TTC28: variants seen among roughly 807,000 people sequenced by gnomAD.
TTC28 encodes the protein tetratricopeptide repeat protein 28.
In TTC28, 61 loss-of-function variants were observed where a neutral mutation model predicts 198.0. The observed-to-expected ratio is 0.31, with a 90% CI of 0.25 to 0.38. TTC28 has a LOEUF of 0.38. TTC28 is among the 10% of genes least tolerant of loss of function. The pLI is 1.00. For missense variants in TTC28, 2,678 were observed against 3,164.0 expected, an observed-to-expected ratio of 0.85 and a Z score of 3.69; for synonymous variants, 1,171 against 1,297.8, an observed-to-expected ratio of 0.90 and a Z score of 2.10.
Position 28,207,814 on chromosome 22 carries a change from T to C in TTC28, c.934-44215A>G, listed in dbSNP as rs920068383. 5.3e-5 allele frequency among the ~76,000 whole-genome samples: 8 copies of C among 152,062 alleles called. No homozygotes were observed. In the East Asian group the frequency reaches 1.2e-3, roughly 22 times the overall value. On this transcript the variant is annotated intron_variant, in intron 5 of 22. Transcript: ENST00000397906. Reference sequence around the variant, plus strand: ...CAGGAGAGCCCCATGTTTATAAACATGTACTTAAATGAATCACATAGACTG... The same window carrying C: ...CAGGAGAGCCCCATGTTTATAAACACGTACTTAAATGAATCACATAGACTG...
chr22:28,544,722 C>A (rs1185005047), intron 2 of TTC28, among the ~76,000 whole-genome samples: 1 of 152,194 alleles, frequency 6.6e-6, no homozygotes, highest in Non-Finnish European at 1.5e-5. Context: ...AAAGTGACCT[C>A]TGGTCATCCT....
chr22:28,055,328 A>G (rs186763395), intron 12 of TTC28, among the ~76,000 whole-genome samples: 1 of 152,166 alleles, frequency 6.6e-6, no homozygotes. Flanking sequence ...GATTAGTGGA[A>G]GAGCAAGATT....
chr22:28,434,198 A>T (rs2047480355), intron 2 of TTC28, among the ~76,000 whole-genome samples: 1 of 152,236 alleles, frequency 6.6e-6, no homozygotes, highest in Non-Finnish European at 1.5e-5. Flanking sequence ...TCAATCTGGG[A>T]TCATTTAGTA....
At chr22:28,526,838 C>T (rs2049013424) in intron 2 of TTC28, among the ~76,000 whole-genome samples, 1 of 151,926 alleles carries the variant, frequency 6.6e-6, no homozygotes, top group Non-Finnish European at 1.5e-5. Context: ...CTCACTGCAA[C>T]CTCCGCCTCC....
chr22:28,679,499 G>C (rs902321403), intron 1 of TTC28, 123 bp downstream of exon 1: 3 of 616,420 alleles, frequency 4.9e-6, no homozygotes, highest in Non-Finnish European at 7.6e-6. Flanking sequence ...GGCTGGGATC[G>C]AACCCGGACT....
At chr22:28,084,702 C>T (rs1941499510) in intron 12 of TTC28, among the ~76,000 whole-genome samples, 1 of 152,088 alleles carries the variant, frequency 6.6e-6, no homozygotes, top group South Asian at 2.1e-4. Context: ...TTCAGAAGAT[C>T]AAACTGCTCT....
intron 2 of TTC28, among the ~76,000 whole-genome samples, chr22:28,587,162 T>A (rs1396022321): frequency 6.6e-6 from 1 of 152,006 alleles, no homozygotes; most frequent in East Asian, 1.9e-4. Flanking sequence ...TTCGAGACCA[T>A]CCTAGGCAAC....
intron 21 of TTC28, among the ~76,000 whole-genome samples, chr22:27,987,530 G>C (rs1157491961): frequency 6.6e-6 from 1 of 152,162 alleles, no homozygotes; most frequent in African/African-American, 2.4e-5. Context: ...TCAGGAGCTG[G>C]AGAACAGCCT....
At chr22:28,145,105 C>G (rs1414541585) in intron 6 of TTC28, among the ~76,000 whole-genome samples, 2 of 152,190 alleles carry the variant, frequency 1.3e-5, no homozygotes, top group African/African-American at 4.8e-5. Context: ...CACATGATTA[C>G]TTTTACCTTA....
At position 27,983,101 on chromosome 22, in the gene TTC28, T is replaced by C. The variant is rs1937080019; in HGVS notation, c.6566A>G (p.Lys2189Arg). 2.6e-6 allele frequency: 4 copies of C among 1,551,738 alleles called. No homozygotes were observed. Among genetic ancestry groups the C allele is most frequent in the Non-Finnish European group, 3.5e-6 (4 of 1,147,008 alleles). The change falls in exon 23 of 23, where the codon AAG (lysine) becomes AGG (arginine). Residue 2189 changes from lysine (K) to arginine (R), a missense_variant. Physicochemically the swap from Lys to Arg is conservative, Grantham distance 26 (BLOSUM62 2). This residue lies in a region of TTC28 where 622 missense variants were observed against 656.0 expected (regional missense o/e 0.95). Transcript: ENST00000397906. The stretch of plus-strand genomic sequence containing the variant: ...AACGCCGTCTTCAGGGTTATTACTC[T>C]TGCTCACCTGGCCGCCGCTCCTCTG... ...RLQRSGGQVS[K>R]SNNPEDGVQA...
At chr22:28,109,055 C>T (rs896670754) in intron 6 of TTC28, among the ~76,000 whole-genome samples, 2 of 152,198 alleles carry the variant, frequency 1.3e-5, no homozygotes, top group African/African-American at 4.8e-5. Context: ...GAACCACAAA[C>T]GGCGCTCCTA....
intron 1 of TTC28, among the ~76,000 whole-genome samples, chr22:28,679,029 G>A (rs1374516662): frequency 6.6e-6 from 1 of 152,214 alleles, no homozygotes; most frequent in African/African-American, 2.4e-5. Context: ...TCCAGCGGGA[G>A]CCCCACCTCT....
intron 5 of TTC28, among the ~76,000 whole-genome samples, chr22:28,229,069 T>C (rs1014754351): frequency 2.0e-5 from 3 of 151,988 alleles, no homozygotes; most frequent in Non-Finnish European, 4.4e-5. Flanking sequence ...GGCAGGAGAA[T>C]CGCTCGAACC....
chr22:28,428,468 T>A (rs2047382429), intron 2 of TTC28, among the ~76,000 whole-genome samples: 1 of 152,146 alleles, frequency 6.6e-6, no homozygotes, highest in Non-Finnish European at 1.5e-5. Context: ...GCACCCTATC[T>A]GTGGTACCAC....
At chr22:28,309,800 G>A (rs967580145) in intron 2 of TTC28, among the ~76,000 whole-genome samples, 5 of 152,158 alleles carry the variant, frequency 3.3e-5, no homozygotes, top group Non-Finnish European at 7.3e-5. Flanking sequence ...TTTGGCAGCA[G>A]ATGGAGAAGA....
At chr22:28,160,967 A>G (rs1921103018) in intron 6 of TTC28, among the ~76,000 whole-genome samples, 1 of 152,236 alleles carries the variant, frequency 6.6e-6, no homozygotes, top group Admixed American at 6.5e-5. Flanking sequence ...AAAAATTAGC[A>G]GAGCATGCCA....
intron 2 of TTC28, among the ~76,000 whole-genome samples, chr22:28,391,843 G>A (rs1056944738): frequency 3.9e-5 from 6 of 152,286 alleles, no homozygotes; most frequent in Non-Finnish European, 5.9e-5. Context: ...CTCTCAGCTC[G>A]TCAAAGTCAT....
chr22:28,375,396 A>G (rs2146005246), intron 2 of TTC28, among the ~76,000 whole-genome samples: 1 of 152,318 alleles, frequency 6.6e-6, no homozygotes, highest in East Asian at 1.9e-4. Flanking sequence ...GCAGATTAAT[A>G]AAAGGGAAAG....
At chr22:28,558,991 C>G (rs185333344) in intron 2 of TTC28, among the ~76,000 whole-genome samples, 1 of 151,698 alleles carries the variant, frequency 6.6e-6, no homozygotes, top group Non-Finnish European at 1.5e-5. Context: ...GCCGAGATCA[C>G]GCCACTGCAC....
Sources: allele counts gnomAD v4.1 joint callset (sites outside exome capture counted in the v4.1 genomes callset), GRCh38; gene constraint gnomAD v4.1.1; regional missense constraint gnomAD v4.1.1; transcripts MANE v1.5; gene names NCBI Gene and HGNC (gene_info 2026-07-23, HGNC 2026-07-21).